Variants in LSM5 observed in about 807,000 individuals in gnomAD.
LSM5 encodes U6 snRNA-associated Sm-like protein LSm5.
In LSM5, 8 loss-of-function variants were observed where a neutral mutation model predicts 13.8. The observed-to-expected ratio is 0.58, with a 90% CI of 0.34 to 1.04. The LOEUF (loss-of-function observed/expected upper bound fraction) is 1.04, where lower values mean the gene tolerates loss of function less well. LSM5 is among the 50% of genes least tolerant of loss of function. The pLI is 0.03. For missense variants in LSM5, 80 were observed against 108.1 expected, an observed-to-expected ratio of 0.74 and a Z score of 1.15; for synonymous variants, 35 against 37.0, an observed-to-expected ratio of 0.95 and a Z score of 0.20.
upstream of LSM5, among the ~76,000 whole-genome samples, chr7:32,493,202 T>C (rs1786630984): frequency 6.6e-6 from 1 of 152,182 alleles, no homozygotes; most frequent in South Asian, 2.1e-4. Flanking sequence ...AGTGGTGTGC[T>C]CGCGGACTCA....
chr7:32,490,492 T>G, upstream of LSM5: 2 of 751,418 alleles, frequency 2.7e-6, no homozygotes, highest in Non-Finnish European at 4.6e-6. Flanking sequence ...GTCAGCTGCG[T>G]GGGTCGCGTT....
chr7:32,492,330 C>G (rs1786613784), upstream of LSM5, among the ~76,000 whole-genome samples: 1 of 152,160 alleles, frequency 6.6e-6, no homozygotes, highest in African/African-American at 2.4e-5. Flanking sequence ...GAAGACCATC[C>G]TGGCCAACAT....
chr7:32,488,617 C>A lies in LSM5; in HGVS notation c.170+8G>T. 1 of 1,589,438 alleles carries A rather than the reference C, an allele frequency of 6.3e-7. No homozygotes were observed. The highest frequency in any genetic ancestry group is 8.6e-7 in the Non-Finnish European group (1 of 1,158,748). ...AGAGATTCCCCCCAATTCTTTAACA[C>A]TACTCACAACTCAGTGACATCTTCC... On this transcript the variant is annotated splice_region_variant and intron_variant, in intron 3 of 4. Coordinates refer to ENST00000450169, the MANE Select transcript of LSM5 (RefSeq NM_012322.3).
upstream of LSM5, among the ~76,000 whole-genome samples, chr7:32,494,463 T>TG: frequency 6.6e-6 from 1 of 152,350 alleles, no homozygotes; most frequent in South Asian, 2.1e-4. Context: ...GGAAGCCTAC[T>TG]GTTTTTCTCA....
At chr7:32,492,937 T>C (rs1583465806), upstream of LSM5, among the ~76,000 whole-genome samples, 1 of 152,236 alleles carries the variant, frequency 6.6e-6, no homozygotes. Context: ...TTTATTATTT[T>C]CCCAATAGAC....
chr7:32,491,829 A>G (rs1261369682), upstream of LSM5, among the ~76,000 whole-genome samples: 3 of 152,252 alleles, frequency 2.0e-5, no homozygotes, highest in Admixed American at 1.3e-4. Flanking sequence ...AGCTACATAA[A>G]GCTAGCATTG....
chr7:32,486,052 G>A lies in LSM5; in HGVS notation c.*1209C>T, dbSNP rs768275466. The A allele has an allele frequency of 1.3e-5, 2 of 151,960 alleles. No individual in the cohort carries two copies. The highest frequency in any genetic ancestry group is 2.9e-5 in the Non-Finnish European group (2 of 68,018). The allele number at this position is 151,960 out of a possible 1,614,324, so 9.4% of individuals were successfully genotyped here. Reference sequence around the variant, plus strand: ...GTAGAACACAGCTAATGCTGGGAAGGATATAAATGGTACTATGAAAGACTC... The same window carrying A: ...GTAGAACACAGCTAATGCTGGGAAGAATATAAATGGTACTATGAAAGACTC... On this transcript the variant is annotated 3_prime_UTR_variant, in exon 5 of 5. Coordinates refer to ENST00000450169, the MANE Select transcript of LSM5 (RefSeq NM_012322.3).
Position 32,488,048 on chromosome 7 carries a change from GT to G in LSM5, c.171-292del, listed in dbSNP as rs10653528. Reference sequence around the variant, plus strand: ...AAATATGAAATGAAATGTTTTTTGGGTTTTTTTTTTTTTAAGAGACAGGGTC... The same window carrying G: ...AAATATGAAATGAAATGTTTTTTGGGTTTTTTTTTTTTAAGAGACAGGGTC... On this transcript the variant is annotated intron_variant, in intron 3 of 4. Coordinates refer to ENST00000450169, the MANE Select transcript of LSM5 (RefSeq NM_012322.3). 3.6e-3 allele frequency: 937 copies of G among 262,692 alleles called. 2 individuals carry two copies. The highest frequency in any genetic ancestry group is 0.011 in the African/African-American group (449 of 42,372). The allele number at this position is 262,692 out of a possible 1,614,324, so 16.3% of individuals were successfully genotyped here.
intron 2 of LSM5, 26 bp downstream of exon 2, chr7:32,489,223 A>T: frequency 1.7e-6 from 2 of 1,169,018 alleles, no homozygotes; most frequent in South Asian, 2.6e-5. Context: ...AAAAACCTAT[A>T]CCACCACCAC....
In LSM5 at chr7:32,487,678, G is replaced by A. The variant is rs368196608; in HGVS notation, c.243+7C>T. 2.8e-6 allele frequency: 4 copies of A among 1,411,646 alleles called. No individual in the cohort carries two copies. In the Admixed American group the frequency reaches 6.7e-5, roughly 24 times the overall value. 87.4% of individuals were successfully genotyped at this position (1,411,646 alleles called of 1,614,324 possible). ...CATCAAAATAAAACAGTTTCAATGTGTCTTACCATTGTTATATTATTTCCA... is the reference window on the plus strand; with the variant it reads ...CATCAAAATAAAACAGTTTCAATGTATCTTACCATTGTTATATTATTTCCA... On this transcript the variant is annotated splice_region_variant and intron_variant, in intron 4 of 4. Coordinates refer to ENST00000450169, the MANE Select transcript of LSM5 (RefSeq NM_012322.3).
rs1175165990 is a variant in LSM5 at position 32,487,664 on chromosome 7, AAC to A, written c.243+19_243+20del. 24 of 1,310,736 alleles carry A rather than the reference AAC, an allele frequency of 1.8e-5. No homozygotes were observed. The highest frequency in any genetic ancestry group is 2.5e-5 in the Non-Finnish European group (23 of 904,374). The allele number at this position is 1,310,736 out of a possible 1,614,324, so 81.2% of individuals were successfully genotyped here. A position where few individuals can be genotyped will look rare whatever the true frequency, so the allele number is the denominator to read the frequency against. ...CAAAAATGGGCTCCCATCAAAATAA[AAC>A]AGTTTCAATGTGTCTTACCATTGTT... is the stretch of plus-strand genomic sequence containing the variant. On this transcript the variant is annotated intron_variant, in intron 4 of 4. Transcript: ENST00000450169.
chr7:32,495,283 T>G (rs1786723104), upstream of LSM5: 1 of 156,864 alleles, frequency 6.4e-6, no homozygotes, highest in African/African-American at 2.5e-5. Context: ...CCGGGTCACG[T>G]AAGCCCCACC....
At chr7:32,487,646 GGGC>G in intron 4 of LSM5, 36 bp downstream of exon 4, 1 of 1,076,108 alleles carries the variant, frequency 9.3e-7, no homozygotes, top group Non-Finnish European at 1.4e-6. Context: ...CCCCAAAAAT[GGGC>G]TCCCATCAAA....
At chr7:32,488,045 T>C (rs76851136) in intron 3 of LSM5, 1 of 228,180 alleles carries the variant, frequency 4.4e-6, no homozygotes, top group Non-Finnish European at 7.4e-6. Context: ...AAATGTTTTT[T>C]GGGTTTTTTT....
intron 2 of LSM5, among the ~76,000 whole-genome samples, chr7:32,488,908 G>T (rs1167440764): frequency 6.6e-6 from 1 of 152,068 alleles, no homozygotes; most frequent in Non-Finnish European, 1.5e-5. Context: ...TAATTTTTGT[G>T]GAGACAGGGT....
intron 1 of LSM5, 23 bp downstream of exon 1, chr7:32,490,297 G>C (rs945572354): frequency 6.2e-7 from 1 of 1,614,036 alleles, no homozygotes; most frequent in African/African-American, 1.3e-5. Context: ...CCCTGTTCCT[G>C]CTCCCCAAAG....
At chr7:32,492,747 A>G (rs1471137151), upstream of LSM5, among the ~76,000 whole-genome samples, 1 of 152,196 alleles carries the variant, frequency 6.6e-6, no homozygotes, top group Non-Finnish European at 1.5e-5. Flanking sequence ...GTTGTTATGA[A>G]CTTGAAAATA....
chr7:32,492,726 C>T (rs1466586689), upstream of LSM5, among the ~76,000 whole-genome samples: 1 of 152,166 alleles, frequency 6.6e-6, no homozygotes, highest in Non-Finnish European at 1.5e-5. Context: ...CAGGCCAATT[C>T]CAAATGGAGA....
In LSM5 at chr7:32,487,751, G is replaced by T. The variant is rs1448502834; in HGVS notation, c.177C>A (p.Ile59=). 5 of 1,484,694 alleles carry T rather than the reference G, an allele frequency of 3.4e-6. No homozygotes were observed. The highest frequency in any genetic ancestry group is 3.8e-6 in the Non-Finnish European group (4 of 1,063,972). 92.0% of individuals were successfully genotyped at this position (1,484,694 alleles called of 1,614,324 possible). The change falls in exon 4 of 5, where the codon ATC becomes ATA. Residue 59 remains isoleucine, a synonymous_variant. Transcript: ENST00000450169. ...TAGTAATCCTTCTTCCTTCTGGTGT[G>T]ATTTCACTAAATGAATAGATAAAAT... ...MVLEDVTEFE[I]TPEGRRITKL...
Sources: gnomAD v4.1 joint callset for allele counts (sites outside exome capture counted in the v4.1 genomes callset) on GRCh38, gnomAD v4.1.1 for gene constraint, MANE v1.5 for transcripts, NCBI Gene and HGNC (gene_info 2026-07-23, HGNC 2026-07-21) for gene names.